Variants in KIAA0586 observed in about 807,000 individuals in gnomAD.
KIAA0586 encodes protein TALPID3.
KIAA0586 carries 144 observed loss-of-function variants against 169.8 expected under a neutral mutation model. The observed-to-expected ratio is 0.85, with a 90% CI of 0.74 to 0.97. The LOEUF is 0.97. Ranked by LOEUF, KIAA0586 falls within the 50% of genes least tolerant of loss-of-function variation. The pLI, the probability that KIAA0586 is intolerant of heterozygous loss-of-function variation, is 0.00. For missense variants in KIAA0586, 1,854 were observed against 1,823.0 expected (o/e 1.02, Z -0.31); for synonymous variants, 625 against 612.4 (o/e 1.02, Z -0.30).
chr14:58,513,174 G>A (rs1314482506), intron 29 of KIAA0586, among the ~76,000 whole-genome samples: 1 of 151,448 alleles, frequency 6.6e-6, no homozygotes, highest in East Asian at 1.9e-4. Context: ...CAAGGCTGTT[G>A]GCCTTGTGTT....
chr14:58,437,175 G>A (rs1489771872), intron 4 of KIAA0586, among the ~76,000 whole-genome samples: 1 of 152,098 alleles, frequency 6.6e-6, no homozygotes, highest in East Asian at 1.9e-4. Context: ...CTCAGTTGGA[G>A]AGGAAGAGAC....
intron 20 of KIAA0586, 49 bp from the exon 21 acceptor site, chr14:58,482,464 C>G (rs2042101704): frequency 3.2e-6 from 4 of 1,246,854 alleles, no homozygotes; most frequent in Non-Finnish European, 4.2e-6. Context: ...GTTTGAATTG[C>G]AAGCATGTTT....
intron 30 of KIAA0586, among the ~76,000 whole-genome samples, chr14:58,546,140 T>C (rs1278616099): frequency 6.6e-6 from 1 of 152,250 alleles, no homozygotes; most frequent in Non-Finnish European, 1.5e-5. Flanking sequence ...AAATATTCTA[T>C]TTAAATTCAC....
upstream of KIAA0586, chr14:58,427,629 A>G (rs1298293774): frequency 4.6e-6 from 7 of 1,535,424 alleles, no homozygotes; most frequent in Non-Finnish European, 6.1e-6. Flanking sequence ...TTCTGGTTGG[A>G]TGTTTTGGGT....
At chr14:58,496,289 A>G (rs960823264) in intron 26 of KIAA0586, among the ~76,000 whole-genome samples, 2 of 152,230 alleles carry the variant, frequency 1.3e-5, no homozygotes, top group African/African-American at 4.8e-5. Flanking sequence ...ACTTATGAGT[A>G]TGAGACCATT....
intron 20 of KIAA0586, among the ~76,000 whole-genome samples, chr14:58,479,598 A>T (rs2041888793): frequency 6.6e-6 from 1 of 152,150 alleles, no homozygotes; most frequent in Non-Finnish European, 1.5e-5. Flanking sequence ...ATCTTTGCTA[A>T]CCCAAGATCA....
chr14:58,484,753 A>G (rs893058953), intron 21 of KIAA0586, among the ~76,000 whole-genome samples: 2 of 149,128 alleles, frequency 1.3e-5, no homozygotes, highest in Non-Finnish European at 3.0e-5. Context: ...AAGCAATGCT[A>G]TAGAAATTCT....
At chr14:58,457,067 A>T (rs1424111363) in intron 10 of KIAA0586, among the ~76,000 whole-genome samples, 1 of 152,170 alleles carries the variant, frequency 6.6e-6, no homozygotes, top group Non-Finnish European at 1.5e-5. Context: ...GAGGAAGGGG[A>T]AAAGAGACCT....
At chr14:58,555,294 T>A (rs1344660344), downstream of KIAA0586, among the ~76,000 whole-genome samples, 1 of 151,922 alleles carries the variant, frequency 6.6e-6, no homozygotes, top group African/African-American at 2.4e-5. Context: ...AGAGACAGCG[T>A]TTCACCATGT....
chr14:58,428,763 C>T (rs1189903739), intron 1 of KIAA0586, among the ~76,000 whole-genome samples: 7 of 150,218 alleles, frequency 4.7e-5, no homozygotes, highest in African/African-American at 1.7e-4. Context: ...TTTTCCCCCA[C>T]GTAGTGTTTT....
the KIAA0586 span, among the ~76,000 whole-genome samples, chr14:58,557,924 T>TTC: frequency 7.2e-6 from 1 of 139,460 alleles, no homozygotes; most frequent in Non-Finnish European, 1.5e-5. Context: ...TTTTTTTTTT[T>TTC]TTTTGAGACA....
intron 8 of KIAA0586, 129 bp from the exon 9 acceptor site, chr14:58,453,221 T>C: frequency 4.1e-6 from 2 of 488,270 alleles, no homozygotes; most frequent in Non-Finnish European, 6.9e-6. Context: ...GCCTGGCTTT[T>C]AGGCTATAAA....
chr14:58,500,779 T>G (rs1013799746), intron 27 of KIAA0586, among the ~76,000 whole-genome samples: 1 of 151,354 alleles, frequency 6.6e-6, no homozygotes, highest in Non-Finnish European at 1.5e-5. Flanking sequence ...GGGGCCATTT[T>G]AAACAGTGAA....
upstream of KIAA0586, chr14:58,427,587 AG>A (rs1176518723): frequency 6.5e-7 from 1 of 1,535,390 alleles, no homozygotes; most frequent in Non-Finnish European, 8.7e-7. Context: ...CCACCCGGAG[AG>A]GAATGGAAGA....
intron 27 of KIAA0586, among the ~76,000 whole-genome samples, chr14:58,502,342 G>C (rs1254718561): frequency 1.2e-4 from 18 of 152,120 alleles, no homozygotes; most frequent in Admixed American, 1.1e-3. Context: ...GTTTTGCCAT[G>C]TTGGCCAGGC....
In KIAA0586 at chr14:58,466,280, C is replaced by G. The variant is rs374942032; in HGVS notation, c.2254+251C>G. On this transcript the variant is annotated intron_variant, in intron 15 of 30. Coordinates refer to ENST00000652326, the MANE Select transcript of KIAA0586 (RefSeq NM_001329943.3). ...AAAATGGTACTAACATGATAGTCAT[C>G]TACCTTTTCTTGTAAATGTTATTTG... 2.6e-5 allele frequency among the ~76,000 whole-genome samples: 4 copies of G among 152,252 alleles called. 1 individual carries two copies.
At chr14:58,483,580 C>T (rs1297069565) in intron 21 of KIAA0586, among the ~76,000 whole-genome samples, 1 of 151,752 alleles carries the variant, frequency 6.6e-6, no homozygotes, top group Non-Finnish European at 1.5e-5. Flanking sequence ...TTTTTTAAAT[C>T]AAGATATAGC....
At chr14:58,434,816 G>T (rs1447794641) in intron 4 of KIAA0586, among the ~76,000 whole-genome samples, 2 of 152,062 alleles carry the variant, frequency 1.3e-5, no homozygotes, top group African/African-American at 4.8e-5. Flanking sequence ...TGTCACCCAG[G>T]CTGGAGTTCA....
chr14:58,473,829 C>A (rs543992874), intron 18 of KIAA0586, among the ~76,000 whole-genome samples: 182 of 152,172 alleles, frequency 1.2e-3, no homozygotes, highest in African/African-American at 4.0e-3. Context: ...TTGCTTGAAC[C>A]CAGGAGGTGG....
Sources: allele counts gnomAD v4.1 joint callset (sites outside exome capture counted in the v4.1 genomes callset), GRCh38; gene constraint gnomAD v4.1.1; transcripts MANE v1.5; gene names NCBI Gene and HGNC (gene_info 2026-07-23, HGNC 2026-07-21).